UBR4: variants seen among roughly 807,000 people sequenced by gnomAD.
UBR4 encodes the protein ubiquitin protein ligase E3 component n-recognin 4.
UBR4 carries 124 observed loss-of-function variants against 575.6 expected under a neutral mutation model. That is an observed-to-expected ratio of 0.22 (90% confidence interval 0.19 to 0.25). The LOEUF is 0.25. Ranked by LOEUF, UBR4 falls within the 10% of genes least tolerant of loss-of-function variation. The pLI is 1.00. For missense variants in UBR4, 4,818 were observed against 6,478.8 expected (o/e 0.74, Z 8.80); for synonymous variants, 2,455 against 2,473.7 (o/e 0.99, Z 0.22).
intron 11 of UBR4, among the ~76,000 whole-genome samples, chr1:19,190,131 A>T (rs2091926391): frequency 6.7e-6 from 1 of 148,996 alleles, no homozygotes; most frequent in African/African-American, 2.5e-5. Flanking sequence ...TATTAAAAAT[A>T]CAAAAAAAAA....
rs1054227844 is a variant in UBR4, at chr1:19,100,041, C to G, written c.13221+335G>C. On this transcript the variant is annotated intron_variant, in intron 89 of 105. Transcript: ENST00000375254. This position sits in a 1 kb window ranked among gnomAD's most constrained non-coding sequence, Gnocchi z 4.2. ...ACATAAACCTGCACAGGGGGTAAAACGCCAATATTTAGGGGGCTCAGGTAA... is the reference window on the plus strand; with the variant it reads ...ACATAAACCTGCACAGGGGGTAAAAGGCCAATATTTAGGGGGCTCAGGTAA... 1.2e-5 allele frequency: 5 copies of G among 432,052 alleles called. No homozygotes were observed. Among genetic ancestry groups the G allele is most frequent in the Non-Finnish European group, 2.1e-5 (5 of 241,898 alleles). The allele number at this position is 432,052 out of a possible 1,614,324, so 26.8% of individuals were successfully genotyped here.
At chr1:19,118,989 A>G in intron 70 of UBR4, 32 bp from the exon 71 acceptor site, 3 of 1,605,500 alleles carry the variant, frequency 1.9e-6, no homozygotes, top group Non-Finnish European at 2.6e-6. Flanking sequence ...AAACAACTTA[A>G]AGCCCAAGGT....
In UBR4 at chr1:19,167,231, A is replaced by T; in HGVS notation, c.3900T>A (p.Val1300=). The T allele has an allele frequency of 1.2e-6, 2 of 1,614,166 alleles. No individual in the cohort carries two copies. The highest frequency in any genetic ancestry group is 1.3e-5 in the African/African-American group (1 of 75,066). ...SLVRLTGDLI[V]WSDEMNPPQV... ...GTGGTGGGTTCATCTCATCTGACCA[A>T]CTTCAGCAAAGAAAATGAAATCGAG... The change falls in exon 29 of 106, where the codon GTT becomes GTA. Residue 1300 remains valine, a splice_region_variant and synonymous_variant. Transcript: ENST00000375254.
At chr1:19,206,836 C>A (rs1402204753) in intron 1 of UBR4, among the ~76,000 whole-genome samples, 2 of 152,144 alleles carry the variant, frequency 1.3e-5, no homozygotes, top group Non-Finnish European at 2.9e-5. Context: ...AGTTTGGTTG[C>A]AAAGTCAAAC....
At position 19,096,230 on chromosome 1, in the gene UBR4, A is replaced by AT. The variant is rs3215751; in HGVS notation, c.13518+292dup. On this transcript the variant is annotated intron_variant, in intron 92 of 105. Coordinates refer to ENST00000375254, the MANE Select transcript of UBR4 (RefSeq NM_020765.3). ...AGAAATGAGTTACATTACAAAATCCATTTTAAAAACAACAACAATGATAAT... is the reference window on the plus strand; with the variant it reads ...AGAAATGAGTTACATTACAAAATCCATTTTTAAAAACAACAACAATGATAAT... Among the ~76,000 whole-genome samples, 114 of 152,312 alleles carry AT rather than the reference A, an allele frequency of 7.5e-4. 2 individuals are homozygous for AT. In the East Asian group the frequency reaches 0.019, roughly 25 times the overall value.
intron 39 of UBR4, 122 bp from the exon 40 acceptor site, chr1:19,158,119 G>T: frequency 9.5e-7 from 1 of 1,053,542 alleles, no homozygotes; most frequent in Non-Finnish European, 1.4e-6. Flanking sequence ...AGTGATTTCG[G>T]CCTCCAAACC....
Position 19,117,297 on chromosome 1 carries a change from G to A in UBR4, c.10747C>T (p.Arg3583Trp), listed in dbSNP as rs2080657274. ...KVTVKIGDLK[R>W]TKMVRTINLY... ...TTGATGGTCCGCACCATCTTGGTCC[G>A]TTTCAGATCCCCGATTTTCACTGTC... The change falls in exon 73 of 106, where the codon CGG becomes TGG. Residue 3583 changes from arginine (R) to tryptophan (W), a missense_variant. Around this residue, in one of 29 missense-constraint regions of UBR4, gnomAD observed 550 missense variants for 791.5 expected, o/e 0.69. Transcript: ENST00000375254. The surrounding 1 kb of genome is among the most constrained non-coding windows in gnomAD (Gnocchi z 4.0). The A allele has an allele frequency of 5.6e-6, 9 of 1,614,032 alleles. No individual in the cohort carries two copies. The highest frequency in any genetic ancestry group is 1.7e-5 in the Admixed American group (1 of 60,000).
Position 19,153,465 on chromosome 1 carries a change from T to C in UBR4, c.6668A>G (p.Asn2223Ser), listed in dbSNP as rs771679940. 3.1e-6 allele frequency: 5 copies of C among 1,614,126 alleles called. No homozygotes were observed. The highest frequency in any genetic ancestry group is 2.2e-5 in the East Asian group (1 of 44,876). The change falls in exon 46 of 106, where the codon AAT (asparagine) becomes AGT (serine). Residue 2223 changes from asparagine (N) to serine (S), a missense_variant. Asn to Ser is a conservative substitution (Grantham distance 46, BLOSUM62 1). Transcript: ENST00000375254. The surrounding 1 kb of genome is among the most constrained non-coding windows in gnomAD (Gnocchi z 4.1). Reference sequence around the variant, plus strand: ...AATCATTGTTGTCCGCTGCTGCTCATTGCAGGCCGTGTGCCTAATAGCAAC... The same window carrying C: ...AATCATTGTTGTCCGCTGCTGCTCACTGCAGGCCGTGTGCCTAATAGCAAC... ...DMVAIRHTAC[N>S]EQQRTTMILL...
At chr1:19,146,589 T>C (rs2084900874) in intron 52 of UBR4, among the ~76,000 whole-genome samples, 1 of 152,226 alleles carries the variant, frequency 6.6e-6, no homozygotes, top group East Asian at 1.9e-4. Context: ...TTATATCTGA[T>C]GTCTAGAACA....
intron 1 of UBR4, among the ~76,000 whole-genome samples, chr1:19,208,948 T>C (rs2093162535): frequency 6.6e-6 from 1 of 152,208 alleles, no homozygotes; most frequent in Admixed American, 6.5e-5. Context: ...CTTCAGAACA[T>C]TCCTGGCCTG....
At position 19,115,454 on chromosome 1, in the gene UBR4, G is replaced by T; in HGVS notation, c.11007C>A (p.Ala3669=). The T allele has an allele frequency of 6.2e-7, 1 of 1,614,228 alleles. No individual in the cohort carries two copies. Among genetic ancestry groups the T allele is most frequent in the South Asian group, 1.1e-5 (1 of 91,074 alleles). ...CACAGTTGCCACAGACTCCTGGGTTGGCAGGGACCGAGGCACTACAGCGAG... is the reference window on the plus strand; with the variant it reads ...CACAGTTGCCACAGACTCCTGGGTTTGCAGGGACCGAGGCACTACAGCGAG... ...QCPRCSASVP[A]NPGVCGNCGE... is the part of the protein sequence containing the mutation. Residue 3669 remains alanine, a synonymous_variant, in exon 74 of 106, where the codon GCC becomes GCA. Coordinates refer to ENST00000375254, the MANE Select transcript of UBR4 (RefSeq NM_020765.3).
chr1:19,148,292 T>G (rs1259139838), intron 50 of UBR4, among the ~76,000 whole-genome samples, 165 bp from the exon 51 acceptor site: 1 of 152,140 alleles, frequency 6.6e-6, no homozygotes, highest in Non-Finnish European at 1.5e-5. Context: ...ATAATCCTCC[T>G]TCTTACCAGA....
rs1157671006 is a variant in UBR4, at chr1:19,117,946, T to G, written c.10542-36A>C. 1 of 1,593,984 alleles carries G rather than the reference T, an allele frequency of 6.3e-7. No individual in the cohort carries two copies. Among genetic ancestry groups the G allele is most frequent in the Non-Finnish European group, 8.6e-7 (1 of 1,162,046 alleles). ...AACCAGTCTTAGCATGAACACATTTTCATCTTAGGAAGCACTGAGTTTCAC... is the reference window on the plus strand; with the variant it reads ...AACCAGTCTTAGCATGAACACATTTGCATCTTAGGAAGCACTGAGTTTCAC... On this transcript the variant is annotated intron_variant, in intron 71 of 105. Coordinates refer to ENST00000375254, the MANE Select transcript of UBR4 (RefSeq NM_020765.3). The surrounding 1 kb of genome is among the most constrained non-coding windows in gnomAD (Gnocchi z 4.0).
At chr1:19,200,483 G>C (rs1035644747) in intron 2 of UBR4, among the ~76,000 whole-genome samples, 1 of 151,834 alleles carries the variant, frequency 6.6e-6, no homozygotes, top group Admixed American at 6.6e-5. Context: ...AGCACTTCGG[G>C]AGGCTGAGGT....
At position 19,170,799 on chromosome 1, in the gene UBR4, C is replaced by T. The variant is rs2089414478; in HGVS notation, c.3606G>A (p.Leu1202=). 6.2e-7 allele frequency: 1 copy of T among 1,614,040 alleles called. No individual in the cohort carries two copies. The highest frequency in any genetic ancestry group is 1.7e-5 in the Admixed American group (1 of 60,004). ...CCTTGCACCTGCTAGAGCCAATAGCCAAAACAGCAGCAAAGCCTTGCAGTT... is the reference window on the plus strand; with the variant it reads ...CCTTGCACCTGCTAGAGCCAATAGCTAAAACAGCAGCAAAGCCTTGCAGTT... ...KEKLQGFAAV[L]AIGSSRCKAN... is the part of the protein sequence containing the mutation. The change falls in exon 26 of 106, where the codon TTG becomes TTA. Residue 1202 remains leucine, a synonymous_variant. Transcript: ENST00000375254.
chr1:19,160,932 C>T lies in UBR4; in HGVS notation c.5391G>A (p.Glu1797=), dbSNP rs753014584. 6.2e-7 allele frequency: 1 copy of T among 1,614,138 alleles called. No homozygotes were observed. The highest frequency in any genetic ancestry group is 1.1e-5 in the South Asian group (1 of 91,076). ...SLCRTVEGCR[E]ELQNQANFSF... ...TCAGCCCCACCTGGTTCTGTAATTC[C>T]TCCCGGCAGCCCTCTACTGTGCGGC... The change falls in exon 38 of 106, where the codon GAG becomes GAA. Residue 1797 remains glutamate (E), a synonymous_variant. Coordinates refer to ENST00000375254, the MANE Select transcript of UBR4 (RefSeq NM_020765.3).
In UBR4 at chr1:19,074,783, T is replaced by A. The variant is rs780162917; in HGVS notation, c.*49A>T. ...ATGCACAAGGAGGGAGAACAGAGGG[T>A]GGAAGGCAAGCCAGCTTCGTCTTCG... On this transcript the variant is annotated 3_prime_UTR_variant, in exon 106 of 106. Transcript: ENST00000375254. The A allele has an allele frequency of 2.5e-6, 4 of 1,600,288 alleles. No homozygotes were observed. Among genetic ancestry groups the A allele is most frequent in the Non-Finnish European group, 2.6e-6 (3 of 1,170,666 alleles).
intron 11 of UBR4, among the ~76,000 whole-genome samples, chr1:19,190,312 A>AAATATATATAT: frequency 1.3e-5 from 1 of 79,920 alleles, no homozygotes; most frequent in Non-Finnish European, 2.3e-5. Flanking sequence ...AAAAAAAAAA[A>AAATATATATAT]ATATATATAT....
Position 19,186,591 on chromosome 1 carries a change from T to C in UBR4, c.1699A>G (p.Asn567Asp), listed in dbSNP as rs1301507839. Residue 567 changes from asparagine (N) to aspartate (D), a missense_variant, in exon 14 of 106, where the codon AAT (asparagine) becomes GAT (aspartate). Coordinates refer to ENST00000375254, the MANE Select transcript of UBR4 (RefSeq NM_020765.3). ...SSDASASTDSNTYYEDDFSST... is the reference protein window; with the variant it reads ...SSDASASTDSDTYYEDDFSST... ...CTGAAATCGTCCTCATAGTAAGTAT[T>C]GGAGTCGGTGGAGGCGCTGGCATCG... is the stretch of plus-strand genomic sequence containing the variant. 4 of 1,614,138 alleles carry C rather than the reference T, an allele frequency of 2.5e-6. No homozygotes were observed. In the South Asian group the frequency reaches 3.3e-5, roughly 13 times the overall value.
Sources: gnomAD v4.1 joint callset for allele counts (sites outside exome capture counted in the v4.1 genomes callset) on GRCh38, gnomAD v4.1.1 for gene constraint, gnomAD v4.1.1 regional missense constraint, Gnocchi (gnomAD v3.1) non-coding constraint, MANE v1.5 for transcripts, NCBI Gene and HGNC (gene_info 2026-07-23, HGNC 2026-07-21) for gene names.